NOP58: variants seen among roughly 807,000 people sequenced by gnomAD.
NOP58 encodes nucleolar protein 58.
Under a neutral mutation model 71.2 loss-of-function variants are expected in NOP58, and 44 were observed. The ratio of observed to expected loss-of-function variants is 0.62; its 90% CI spans 0.49 to 0.79. The LOEUF (loss-of-function observed/expected upper bound fraction) is 0.79. Ranked by LOEUF, NOP58 falls within the 30% of genes least tolerant of loss-of-function variation. The pLI is 0.00. For missense variants in NOP58, 538 were observed against 620.2 expected, an observed-to-expected ratio of 0.87 and a Z score of 1.41; for synonymous variants, 228 against 200.3, an observed-to-expected ratio of 1.14 and a Z score of -1.17.
intron 10 of NOP58, among the ~76,000 whole-genome samples, chr2:202,296,878 C>CAT (rs1689002857): frequency 6.6e-6 from 1 of 152,002 alleles, no homozygotes; most frequent in Non-Finnish European, 1.5e-5. Flanking sequence ...GGACTACAGG[C>CAT]GCCCGGCACC....
intron 4 of NOP58, among the ~76,000 whole-genome samples, chr2:202,283,820 T>A (rs1435838279): frequency 6.6e-6 from 1 of 152,184 alleles, no homozygotes; most frequent in Non-Finnish European, 1.5e-5. Context: ...ATTATATTAA[T>A]CTTTTTATAG....
chr2:202,266,171 G>A (rs1447254496), intron 1 of NOP58, among the ~76,000 whole-genome samples, 185 bp downstream of exon 1: 2 of 152,184 alleles, frequency 1.3e-5, no homozygotes, highest in Non-Finnish European at 1.5e-5. Context: ...CCCGCCGTTT[G>A]GGGAGACCCG....
chr2:202,289,751 A>T (rs1206886527), intron 6 of NOP58, among the ~76,000 whole-genome samples: 1 of 152,194 alleles, frequency 6.6e-6, no homozygotes, highest in East Asian at 1.9e-4. Flanking sequence ...AAATAGGTGA[A>T]CTCAGAGACA....
chr2:202,275,278 A>AT, intron 2 of NOP58, 89 bp downstream of exon 2: 1 of 670,828 alleles, frequency 1.5e-6, no homozygotes. Context: ...ATAATGTTAC[A>AT]TTCGTAGTTT....
At chr2:202,278,162 C>T (rs760766722) in intron 3 of NOP58, 160 bp downstream of exon 3, 1 of 727,638 alleles carries the variant, frequency 1.4e-6, no homozygotes, top group Non-Finnish European at 2.6e-6. Flanking sequence ...TGATCTGACT[C>T]ATTCGTCACT....
At chr2:202,272,085 G>A (rs1688519993) in intron 1 of NOP58, among the ~76,000 whole-genome samples, 1 of 150,700 alleles carries the variant, frequency 6.6e-6, no homozygotes, top group Admixed American at 6.6e-5. Context: ...GAAACACAAT[G>A]TTGCAAGTTG....
intron 5 of NOP58, among the ~76,000 whole-genome samples, chr2:202,285,774 G>C (rs1688775823): frequency 6.6e-6 from 1 of 152,202 alleles, no homozygotes; most frequent in Admixed American, 6.5e-5. Flanking sequence ...ACAGTTAACA[G>C]GGTTGTGAAG....
At position 202,294,697 on chromosome 2, in the gene NOP58, G is replaced by A. The variant is rs573142945; in HGVS notation, c.908-977G>A. 3.9e-4 allele frequency among the ~76,000 whole-genome samples: 60 copies of A among 152,300 alleles called. No homozygotes were observed. In the South Asian group the frequency reaches 9.9e-3, roughly 25 times the overall value. On this transcript the variant is annotated intron_variant, in intron 9 of 14. Transcript: ENST00000264279. Reference sequence around the variant, plus strand: ...TATGCCAGCAGGGCCGGGTGTGGTGGCTTACGCCTGTAATCCCAGCACTTT... The same window carrying A: ...TATGCCAGCAGGGCCGGGTGTGGTGACTTACGCCTGTAATCCCAGCACTTT...
chr2:202,270,783 A>ATT (rs1206956830), intron 1 of NOP58, among the ~76,000 whole-genome samples: 1 of 152,076 alleles, frequency 6.6e-6, no homozygotes, highest in Non-Finnish European at 1.5e-5. Flanking sequence ...AGTCTCAAGC[A>ATT]ATCAATTAAA....
In NOP58 at chr2:202,265,915, C is replaced by A. The variant is rs374814936; in HGVS notation, c.-27C>A. The A allele has an allele frequency of 6.8e-6, 11 of 1,614,062 alleles. No homozygotes were observed. The East Asian group carries it at 2.5e-4, about 36-fold the overall frequency. ...ACTGACTCTACAGCTTCTGGCAGGCCGTGCGGCGCCCTGACCCGGCCTCAC... is the reference window on the plus strand; with the variant it reads ...ACTGACTCTACAGCTTCTGGCAGGCAGTGCGGCGCCCTGACCCGGCCTCAC... On this transcript the variant is annotated 5_prime_UTR_variant, in exon 1 of 15. Transcript: ENST00000264279.
intron 12 of NOP58, among the ~76,000 whole-genome samples, chr2:202,298,174 A>T (rs1264268904): frequency 2.6e-5 from 4 of 152,190 alleles, no homozygotes; most frequent in African/African-American, 9.6e-5. Context: ...AATTTTCAAG[A>T]ATATAATACA....
chr2:202,269,449 C>T (rs1166318194), intron 1 of NOP58, among the ~76,000 whole-genome samples: 1 of 151,858 alleles, frequency 6.6e-6, no homozygotes, highest in South Asian at 2.1e-4. Flanking sequence ...GGTGTTCTGC[C>T]CACTTATGTG....
At chr2:202,299,858 TTTC>T (rs1689061502) in intron 12 of NOP58, 3 of 152,088 alleles carry the variant, frequency 2.0e-5, no homozygotes, top group East Asian at 1.9e-4. Flanking sequence ...TTTTTTTTTT[TTTC>T]CCCCATTGAG....
chr2:202,266,055 A>G, intron 1 of NOP58, 69 bp downstream of exon 1: 3 of 1,568,012 alleles, frequency 1.9e-6, no homozygotes, highest in Admixed American at 1.7e-5. Flanking sequence ...GGAAAGACTT[A>G]AGCACGGAAC....
intron 6 of NOP58, among the ~76,000 whole-genome samples, chr2:202,288,862 T>C (rs1688836064): frequency 6.6e-6 from 1 of 151,704 alleles, no homozygotes; most frequent in Non-Finnish European, 1.5e-5. Flanking sequence ...CTCACACCTG[T>C]AATCCTAGCA....
intron 4 of NOP58, among the ~76,000 whole-genome samples, chr2:202,283,322 C>A (rs542086815): frequency 1.3e-5 from 2 of 151,996 alleles, no homozygotes; most frequent in Non-Finnish European, 2.9e-5. Context: ...CTCTGCCTCC[C>A]GGGTTCAAGG....
chr2:202,277,145 G>C (rs1559260781), intron 2 of NOP58, among the ~76,000 whole-genome samples: 1 of 152,214 alleles, frequency 6.6e-6, no homozygotes, highest in South Asian at 2.1e-4. Flanking sequence ...AAATTAGCCA[G>C]GTGTGGTGGC....
chr2:202,302,087 T>C (rs112366086), intron 13 of NOP58, among the ~76,000 whole-genome samples: 7,890 of 112,010 alleles, frequency 0.07, 258 homozygotes, highest in South Asian at 0.14. Context: ...TTTTTTCTTT[T>C]TTTTTTTTTT....
intron 5 of NOP58, among the ~76,000 whole-genome samples, chr2:202,286,757 G>A (rs963163057): frequency 3.3e-5 from 5 of 152,142 alleles, no homozygotes; most frequent in Non-Finnish European, 5.9e-5. Flanking sequence ...TGTCCCCCCA[G>A]TAGGCATTTG....
Sources: gnomAD v4.1 joint callset for allele counts (sites outside exome capture counted in the v4.1 genomes callset) on GRCh38, gnomAD v4.1.1 for gene constraint, MANE v1.5 for transcripts, NCBI Gene and HGNC (gene_info 2026-07-23, HGNC 2026-07-21) for gene names.